VWC2L: variants seen among roughly 807,000 people sequenced by gnomAD.
The protein encoded by VWC2L is von Willebrand factor C domain containing 2 like.
A neutral mutation model predicts 21.6 loss-of-function variants in VWC2L; 10 were observed. That is an observed-to-expected ratio of 0.46 (90% CI 0.29 to 0.78). VWC2L has a LOEUF of 0.78. Ranked by LOEUF, VWC2L falls within the 30% of genes least tolerant of loss-of-function variation. The probability of loss-of-function intolerance (pLI) is 0.10; values close to 1 mark genes in which losing one functional copy is unlikely to be tolerated. For missense variants in VWC2L, 209 were observed against 277.1 expected (o/e 0.75, Z 1.74); for synonymous variants, 96 against 94.3 (o/e 1.02, Z -0.10).
intron 3 of VWC2L, among the ~76,000 whole-genome samples, chr2:214,520,099 ATGTCT>A (rs1271750518): frequency 6.7e-6 from 1 of 150,064 alleles, no homozygotes; most frequent in Non-Finnish European, 1.5e-5. Flanking sequence ...ACTTATGTAG[ATGTCT>A]TGTGTTTACA....
intron 3 of VWC2L, among the ~76,000 whole-genome samples, chr2:214,544,935 G>A (rs1053989637): frequency 6.6e-6 from 1 of 152,090 alleles, no homozygotes; most frequent in Non-Finnish European, 1.5e-5. Flanking sequence ...AGATTTGAAT[G>A]AAAGGTCCCA....
At chr2:214,433,137 A>G (rs1399064689) in intron 2 of VWC2L, among the ~76,000 whole-genome samples, 2 of 141,900 alleles carry the variant, frequency 1.4e-5, no homozygotes, top group Non-Finnish European at 3.0e-5. Context: ...TAAAACAGAT[A>G]TATTAACTGC....
rs1690255873 is a variant in VWC2L, at chr2:214,577,748, C to T, written c.*1928C>T. ...TCATTTAAAATTGTCAGCCTCTCCTCCCTGGAAGCATCTGCTGTCATCAAG... is the reference window on the plus strand; with the variant it reads ...TCATTTAAAATTGTCAGCCTCTCCTTCCTGGAAGCATCTGCTGTCATCAAG... On this transcript the variant is annotated 3_prime_UTR_variant, in exon 4 of 4. Transcript: ENST00000312504. 6.6e-6 allele frequency: 1 copy of T among 152,188 alleles called. No individual in the cohort carries two copies. Among genetic ancestry groups the T allele is most frequent in the Non-Finnish European group, 1.5e-5 (1 of 68,052 alleles). 9.4% of individuals were successfully genotyped at this position (152,188 alleles called of 1,614,324 possible). A position where few individuals can be genotyped will look rare whatever the true frequency, so the allele number is the denominator to read the frequency against.
chr2:214,509,458 T>C (rs1010605930), intron 3 of VWC2L, among the ~76,000 whole-genome samples: 1 of 84,038 alleles, frequency 1.2e-5, no homozygotes, highest in Non-Finnish European at 2.8e-5. Context: ...AGAAAAACTT[T>C]GCTACTTAAA....
chr2:214,451,150 A>G (rs1369944459), intron 3 of VWC2L, among the ~76,000 whole-genome samples: 1 of 152,120 alleles, frequency 6.6e-6, no homozygotes, highest in African/African-American at 2.4e-5. Flanking sequence ...GATTTTTTCA[A>G]TCAGAAAATT....
chr2:214,493,298 G>C (rs1391563616), intron 3 of VWC2L, among the ~76,000 whole-genome samples: 3 of 152,200 alleles, frequency 2.0e-5, no homozygotes, highest in Non-Finnish European at 4.4e-5. Flanking sequence ...TATTAACACA[G>C]ATGCTACTTG....
intron 3 of VWC2L, among the ~76,000 whole-genome samples, chr2:214,470,757 A>G (rs542464000): frequency 1.4e-4 from 22 of 151,950 alleles, no homozygotes; most frequent in African/African-American, 5.3e-4. Context: ...AAAAAAAAAT[A>G]TTAAAATTAG....
intron 3 of VWC2L, among the ~76,000 whole-genome samples, chr2:214,514,285 C>T (rs1257598316): frequency 2.0e-5 from 3 of 151,762 alleles, no homozygotes; most frequent in Admixed American, 6.6e-5. Flanking sequence ...TGTATTATGT[C>T]AAGTGTAAAA....
chr2:214,426,383 T>C (rs1269540255), intron 2 of VWC2L, among the ~76,000 whole-genome samples: 1 of 152,040 alleles, frequency 6.6e-6, no homozygotes, highest in Admixed American at 6.6e-5. Context: ...GGCGGGAGCA[T>C]GGGACCAATT....
intron 3 of VWC2L, among the ~76,000 whole-genome samples, chr2:214,471,458 A>G (rs1439176049): frequency 6.6e-6 from 1 of 152,196 alleles, no homozygotes; most frequent in Non-Finnish European, 1.5e-5. Flanking sequence ...TATAAAATAA[A>G]CATTTTAGGG....
intron 3 of VWC2L, among the ~76,000 whole-genome samples, chr2:214,478,014 C>T (rs1378481652): frequency 6.6e-6 from 1 of 152,270 alleles, no homozygotes; most frequent in Admixed American, 6.5e-5. Context: ...TCAGACAGGC[C>T]TTTGGGCACT....
At chr2:214,523,964 C>T (rs117121973) in intron 3 of VWC2L, among the ~76,000 whole-genome samples, 4 of 152,018 alleles carry the variant, frequency 2.6e-5, no homozygotes, top group East Asian at 1.9e-4. Flanking sequence ...TTAACTATGA[C>T]GTGTAATGTG....
At chr2:214,542,977 A>G (rs528729594) in intron 3 of VWC2L, among the ~76,000 whole-genome samples, 1 of 152,328 alleles carries the variant, frequency 6.6e-6, no homozygotes, top group African/African-American at 2.4e-5. Context: ...AACAACTATG[A>G]GAACAGTTTC....
At chr2:214,498,791 A>C (rs1688848849) in intron 3 of VWC2L, among the ~76,000 whole-genome samples, 1 of 150,288 alleles carries the variant, frequency 6.7e-6, no homozygotes, top group Non-Finnish European at 1.5e-5. Context: ...ATGTGTACAT[A>C]TACATATAAA....
At chr2:214,558,977 C>G (rs895979930) in intron 3 of VWC2L, among the ~76,000 whole-genome samples, 3 of 151,396 alleles carry the variant, frequency 2.0e-5, no homozygotes, top group African/African-American at 7.3e-5. Context: ...CCCACTAACT[C>G]GTCATCTAGC....
At chr2:214,573,431 A>G (rs888124903) in intron 3 of VWC2L, among the ~76,000 whole-genome samples, 4 of 152,180 alleles carry the variant, frequency 2.6e-5, no homozygotes, top group African/African-American at 9.6e-5. Context: ...AAAGTATACA[A>G]TTGGGGTAAA....
Position 214,559,861 on chromosome 2 carries a change from A to G in VWC2L, c.521-15811A>G, listed in dbSNP as rs554861612. 1.2e-4 allele frequency among the ~76,000 whole-genome samples: 18 copies of G among 152,324 alleles called. 1 individual carries two copies. The highest frequency in any genetic ancestry group is 4.1e-4 in the African/African-American group (17 of 41,584). ...AGCCATCCTCCAACCTCAGCCTCCC[A>G]AAGTGCTGGGATTATAGGCATGAGC... On this transcript the variant is annotated intron_variant, in intron 3 of 3. Transcript: ENST00000312504.
intron 1 of VWC2L, among the ~76,000 whole-genome samples, chr2:214,412,438 A>ATGTT (rs1194925677): frequency 6.6e-6 from 1 of 152,018 alleles, no homozygotes; most frequent in Admixed American, 6.6e-5. Flanking sequence ...AGCTTCTGTT[A>ATGTT]TGTTTGTTAT....
intron 3 of VWC2L, among the ~76,000 whole-genome samples, chr2:214,449,858 C>A (rs1702927288): frequency 6.6e-6 from 1 of 152,178 alleles, no homozygotes; most frequent in Admixed American, 6.5e-5. Context: ...AACTAGCCAG[C>A]CCCGAGTCTT....
Sources: gnomAD v4.1 joint callset for allele counts (sites outside exome capture counted in the v4.1 genomes callset) on GRCh38, gnomAD v4.1.1 for gene constraint, MANE v1.5 for transcripts, NCBI Gene and HGNC (gene_info 2026-07-23, HGNC 2026-07-21) for gene names.